Variants in SLC44A2 observed in about 807,000 individuals in gnomAD.
SLC44A2 encodes the protein solute carrier family 44 member 2 (CTL2 blood group).
SLC44A2 carries 57 observed loss-of-function variants against 90.8 expected under a neutral mutation model. The observed-to-expected ratio is 0.63, with a 90% CI of 0.51 to 0.78. The LOEUF is 0.78. Among genes scored for constraint, SLC44A2 ranks in the 30% least tolerant of loss-of-function variants. SLC44A2 has a pLI of 0.00. For missense variants in SLC44A2, 794 were observed against 919.7 expected (o/e 0.86, Z 1.77); for synonymous variants, 355 against 360.7 (o/e 0.98, Z 0.18).
chr19:10,643,065 T>TG, intron 21 of SLC44A2: 4 of 1,393,346 alleles, frequency 2.9e-6, no homozygotes, highest in Non-Finnish European at 3.7e-6. Flanking sequence ...CCATGTAGAC[T>TG]GGGGGTGCAT....
intron 14 of SLC44A2, chr19:10,635,892 C>T: frequency 4.1e-6 from 1 of 245,284 alleles, no homozygotes; most frequent in South Asian, 5.3e-5. Context: ...GATTCTCCTG[C>T]CTCAGCCTCC....
chr19:10,633,052 G>A (rs1242101231), intron 10 of SLC44A2, among the ~76,000 whole-genome samples: 1 of 152,142 alleles, frequency 6.6e-6, no homozygotes, highest in Non-Finnish European at 1.5e-5. Flanking sequence ...GTAATGAGCA[G>A]ATAAAATATG....
rs2067003061 is a variant in SLC44A2, at chr19:10,632,098, CCTGG to C, written c.770_773del (p.Ala257ValfsTer6). On this transcript the variant is annotated frameshift_variant, in exon 10 of 22. Transcript: ENST00000335757. LOFTEE classifies it high-confidence loss of function. The stretch of plus-strand genomic sequence containing the variant: ...TCCTGTTCATCATCCTGCTTCGCTT[CCTGG>C]CTGGTATTATGGTCTGGGTGATGAT... 1 of 1,614,148 alleles carries C rather than the reference CCTGG, an allele frequency of 6.2e-7. No individual in the cohort carries two copies. The highest frequency in any genetic ancestry group is 1.3e-5 in the African/African-American group (1 of 75,046).
At chr19:10,633,279 C>T (rs1427868880) in intron 10 of SLC44A2, among the ~76,000 whole-genome samples, 2 of 151,684 alleles carry the variant, frequency 1.3e-5, no homozygotes, top group Non-Finnish European at 2.9e-5. Flanking sequence ...ATTTTCCTAC[C>T]TCGCCTCCCG....
intron 1 of SLC44A2, among the ~76,000 whole-genome samples, chr19:10,613,311 G>T (rs968474833): frequency 6.6e-6 from 1 of 151,200 alleles, no homozygotes; most frequent in South Asian, 2.1e-4. Flanking sequence ...GTGCAGTGGC[G>T]CAATCTTGGC....
rs1568455277 is a variant in SLC44A2, at chr19:10,638,364, G to C, written c.1929+49G>C. On this transcript the variant is annotated intron_variant, in intron 20 of 21. Transcript: ENST00000335757. The stretch of plus-strand genomic sequence containing the variant: ...GGGGTTTGGGAAGAAAGAGGTGTTG[G>C]GATTTGCTTGGTCTTCTTTGACTAG... 1.9e-6 allele frequency: 3 copies of C among 1,542,708 alleles called. No individual in the cohort carries two copies. In the East Asian group the frequency reaches 6.7e-5, roughly 35 times the overall value.
upstream of SLC44A2, among the ~76,000 whole-genome samples, chr19:10,623,226 A>G (rs111375579): frequency 0.013 from 2,020 of 152,194 alleles, 57 homozygotes; most frequent in African/African-American, 0.046. Flanking sequence ...ACCCCAGGGC[A>G]TGACCTGGCG....
chr19:10,632,027 C>T lies in SLC44A2; in HGVS notation c.711-17C>T, dbSNP rs373632622. On this transcript the variant is annotated splice_polypyrimidine_tract_variant and intron_variant, in intron 9 of 21. Transcript: ENST00000335757. ...GCTGAGGGTGGAGTCTGTTCATGAC[C>T]GTTTTCTTTTCCCCAGAGGCCTGGT... The T allele has an allele frequency of 2.0e-5, 32 of 1,613,708 alleles. No individual in the cohort carries two copies. Among genetic ancestry groups the T allele is most frequent in the Admixed American group, 1.0e-4 (6 of 59,980 alleles).
At position 10,643,607 on chromosome 19, in the gene SLC44A2, G is replaced by T. The variant is rs1214009344; in HGVS notation, c.*222G>T. The T allele has an allele frequency of 2.1e-6, 1 of 471,956 alleles. No individual in the cohort carries two copies. The highest frequency in any genetic ancestry group is 3.7e-6 in the Non-Finnish European group (1 of 270,404). 29.2% of individuals were successfully genotyped at this position (471,956 alleles called of 1,614,324 possible). On this transcript the variant is annotated 3_prime_UTR_variant, in exon 22 of 22. Coordinates refer to ENST00000335757, the MANE Select transcript of SLC44A2 (RefSeq NM_020428.4). ...TTTCATGGCTGCCCCTCCAGACTGC[G>T]AGAAACAAGTAAAAACCCATTGGGG...
intron 1 of SLC44A2, among the ~76,000 whole-genome samples, chr19:10,605,515 G>A (rs187624648): frequency 5.3e-5 from 8 of 150,610 alleles, no homozygotes; most frequent in Admixed American, 1.3e-4. Context: ...ATTCAGTCTC[G>A]AAATAAATAA....
At chr19:10,633,991 GAC>G (rs1489778219) in intron 10 of SLC44A2, among the ~76,000 whole-genome samples, 1 of 14,862 alleles carries the variant, frequency 6.7e-5, no homozygotes, top group Non-Finnish European at 1.1e-4. Context: ...TTTTTTTTGA[GAC>G]AGAGTCTCTC....
At chr19:10,619,300 G>T (rs1308525000) in intron 1 of SLC44A2, among the ~76,000 whole-genome samples, 3 of 151,474 alleles carry the variant, frequency 2.0e-5, no homozygotes, top group Non-Finnish European at 4.4e-5. Flanking sequence ...GCGTGGTGTT[G>T]TGTGTCTGTA....
At chr19:10,614,709 G>A (rs1478258226) in intron 1 of SLC44A2, among the ~76,000 whole-genome samples, 6 of 151,794 alleles carry the variant, frequency 4.0e-5, no homozygotes, top group South Asian at 2.1e-4. Flanking sequence ...GGTGGCTCAC[G>A]CCGATAATCC....
At chr19:10,613,042 G>A (rs1424250586) in intron 1 of SLC44A2, among the ~76,000 whole-genome samples, 1 of 151,034 alleles carries the variant, frequency 6.6e-6, no homozygotes, top group African/African-American at 2.4e-5. Context: ...AGAAGTTTTT[G>A]TTTTGTTATT....
intron 20 of SLC44A2, 40 bp downstream of exon 20, chr19:10,638,355 G>A (rs746787170): frequency 2.5e-6 from 4 of 1,578,534 alleles, no homozygotes; most frequent in Non-Finnish European, 3.5e-6. Flanking sequence ...TGGGAAGAAA[G>A]AGGTGTTGGG....
At chr19:10,622,658 T>C (rs2066901596), upstream of SLC44A2, among the ~76,000 whole-genome samples, 2 of 151,892 alleles carry the variant, frequency 1.3e-5, no homozygotes, top group Admixed American at 6.6e-5. Flanking sequence ...TTACAGCACT[T>C]TGGGAGGCTG....
At position 10,637,861 on chromosome 19, in the gene SLC44A2, C is replaced by T; in HGVS notation, c.1701C>T (p.Ala567=). The T allele has an allele frequency of 6.2e-7, 1 of 1,614,150 alleles. No homozygotes were observed. Among genetic ancestry groups the T allele is most frequent in the Non-Finnish European group, 8.5e-7 (1 of 1,180,026 alleles). The change falls in exon 18 of 22, where the codon GCC becomes GCT. Residue 567 remains alanine, a synonymous_variant. Transcript: ENST00000335757. ...FLNRNAYIMI[A]IYGTNFCTSA... is the part of the protein sequence containing the mutation. ...TCCCTCCCACTCTCCTCCAGATTGCCATCTACGGCACCAATTTCTGCACCT... is the reference window on the plus strand; with the variant it reads ...TCCCTCCCACTCTCCTCCAGATTGCTATCTACGGCACCAATTTCTGCACCT...
At chr19:10,634,667 G>A in intron 10 of SLC44A2, 89 bp from the exon 11 acceptor site, 4 of 1,584,750 alleles carry the variant, frequency 2.5e-6, no homozygotes, top group Non-Finnish European at 3.5e-6. Flanking sequence ...AAGCCTCGAT[G>A]TTTGCTTCTG....
rs764588982 is a variant in SLC44A2, at chr19:10,638,267, C to T, written c.1881C>T (p.Ile627=). 1.2e-5 allele frequency: 19 copies of T among 1,614,126 alleles called. No homozygotes were observed. The Admixed American group carries it at 2.7e-4, about 23-fold the overall frequency. The stretch of plus-strand genomic sequence containing the variant: ...TCTTCTTCACCCACCGTATCAGGAT[C>T]GTGCAGGATACAGCACCACCCCTCA... The part of the protein sequence containing the change: ...AFFFFTHRIR[I]VQDTAPPLNY... The change falls in exon 20 of 22, where the codon ATC becomes ATT. Residue 627 remains isoleucine, a synonymous_variant. Transcript: ENST00000335757.
Sources: gnomAD v4.1 joint callset for allele counts (sites outside exome capture counted in the v4.1 genomes callset) on GRCh38, gnomAD v4.1.1 for gene constraint, MANE v1.5 for transcripts, NCBI Gene and HGNC (gene_info 2026-07-23, HGNC 2026-07-21) for gene names.